The following IER5 variants were observed in gnomAD, a reference collection of about 807,000 sequenced individuals.
IER5 encodes immediate early response 5.
IER5 carries 3 observed loss-of-function variants against 8.2 expected under a neutral mutation model. That is an observed-to-expected ratio of 0.36 (90% confidence interval 0.17 to 0.94). The LOEUF (loss-of-function observed/expected upper bound fraction) is 0.94, where lower values mean the gene tolerates loss of function less well. Ranked by LOEUF, IER5 falls within the 40% of genes least tolerant of loss-of-function variation. The probability of loss-of-function intolerance (pLI) is 0.43; values close to 1 mark genes in which losing one functional copy is unlikely to be tolerated. For missense variants in IER5, 531 were observed against 494.3 expected (o/e 1.07, Z -0.70); for synonymous variants, 286 against 230.1 (o/e 1.24, Z -2.20).
At position 181,089,562 on chromosome 1, in the gene IER5, C is replaced by T. The variant is rs543773837; in HGVS notation, c.660C>T (p.Cys220=). ...APPAVCPRKR[C]AAGVGGGPAG... ...CCGCGGTGTGCCCCAGGAAGCGCTG[C>T]GCGGCGGGGGTGGGCGGCGGCCCAG... The change falls in exon 1 of 1, where the codon TGC becomes TGT. Residue 220 remains cysteine (C), a synonymous_variant. Coordinates refer to ENST00000367577, the MANE Select transcript of IER5 (RefSeq NM_016545.5). 1,806 of 1,502,888 alleles carry T rather than the reference C, an allele frequency of 1.2e-3. 4 individuals are homozygous for T. Among genetic ancestry groups the T allele is most frequent in the Admixed American group, 6.1e-3 (255 of 42,016 alleles). The allele number at this position is 1,502,888 out of a possible 1,614,324, so 93.1% of individuals were successfully genotyped here.
At position 181,088,728 on chromosome 1, in the gene IER5, G is replaced by C; in HGVS notation, c.-175G>C. 3 of 614,106 alleles carry C rather than the reference G, an allele frequency of 4.9e-6. No individual in the cohort carries two copies. The highest frequency in any genetic ancestry group is 4.5e-5 in the South Asian group (2 of 44,624). The allele number at this position is 614,106 out of a possible 1,614,324, so 38.0% of individuals were successfully genotyped here. A position where few individuals can be genotyped will look rare whatever the true frequency, so the allele number is the denominator to read the frequency against. ...TAGCGACCGGACCCGAAACGGGGAA[G>C]TTGTCTTGTTTGGAGAGGTTAGTAG... is the stretch of plus-strand genomic sequence containing the variant. On this transcript the variant is annotated 5_prime_UTR_variant, in exon 1 of 1. Transcript: ENST00000367577.
In IER5 at chr1:181,089,883, C is replaced by G. The variant is rs1430888717; in HGVS notation, c.981C>G (p.Phe327Leu). ...CCTGGAGCACAGCCATCGTGGCCTT[C>G]TGAGCCCTTGGCCCCCCTGCGGGGA... is the stretch of plus-strand genomic sequence containing the variant. ...MNPWSTAIVA[F>L] The change falls in exon 1 of 1, where the codon TTC becomes TTG. Residue 327 changes from phenylalanine (F) to leucine (L), a missense_variant. Transcript: ENST00000367577. 1 of 1,611,576 alleles carries G rather than the reference C, an allele frequency of 6.2e-7. No homozygotes were observed. Among genetic ancestry groups the G allele is most frequent in the Non-Finnish European group, 8.5e-7 (1 of 1,179,594 alleles).
rs748707965 is a variant in IER5, at chr1:181,089,676, G to A, written c.774G>A (p.Ala258=). 5.6e-6 allele frequency: 9 copies of A among 1,613,334 alleles called. 1 individual carries two copies. The East Asian group carries it at 1.3e-4, about 24-fold the overall frequency. ...QPPSGGEDDD[A]EEMETGNVAN... ...CGAGTGGAGGAGAGGACGACGACGC[G>A]GAGGAGATGGAGACCGGGAACGTGG... Residue 258 remains alanine (A), a synonymous_variant, in exon 1 of 1, where the codon GCG becomes GCA. Coordinates refer to ENST00000367577, the MANE Select transcript of IER5 (RefSeq NM_016545.5).
chr1:181,089,592 C>T lies in IER5; in HGVS notation c.690C>T (p.Gly230=). The T allele has an allele frequency of 1.3e-6, 2 of 1,586,170 alleles. No individual in the cohort carries two copies. The highest frequency in any genetic ancestry group is 1.7e-6 in the Non-Finnish European group (2 of 1,167,008). The change falls in exon 1 of 1, where the codon GGC becomes GGT. Residue 230 remains glycine, a synonymous_variant. Transcript: ENST00000367577. ...CAAGVGGGPA[G]CPAPGSTPLK... ...CGGGGGTGGGCGGCGGCCCAGCGGGCTGCCCGGCGCCCGGCTCGACCCCGC... is the reference window on the plus strand; with the variant it reads ...CGGGGGTGGGCGGCGGCCCAGCGGGTTGCCCGGCGCCCGGCTCGACCCCGC...
rs60601152 is a variant in IER5, at chr1:181,091,256, GAAAA to G, written c.*1378_*1381del. 1 of 144,012 alleles carries G rather than the reference GAAAA, an allele frequency of 6.9e-6. No individual in the cohort carries two copies. Among genetic ancestry groups the G allele is most frequent in the African/African-American group, 2.6e-5 (1 of 39,194 alleles). 8.9% of individuals were successfully genotyped at this position (144,012 alleles called of 1,614,324 possible). ...CGGGTCATCTTTTAGCTTTGTAATT[GAAAA>G]AAAAAAAGTTTAGATAGTAGTTTAC... On this transcript the variant is annotated 3_prime_UTR_variant, in exon 1 of 1. Transcript: ENST00000367577.
rs758912166 is a variant in IER5 at position 181,089,757 on chromosome 1, C to G, written c.855C>G (p.Pro285=). The G allele has an allele frequency of 2.0e-5, 32 of 1,613,710 alleles. No homozygotes were observed. In the Admixed American group the frequency reaches 4.8e-4, roughly 24 times the overall value. ...SSFSGLLRKS[P]GGGREEEEGE... Reference sequence around the variant, plus strand: ...TCTCGGGACTCCTACGGAAAAGCCCCGGGGGCGGCAGAGAGGAAGAGGAGG... The same window carrying G: ...TCTCGGGACTCCTACGGAAAAGCCCGGGGGGCGGCAGAGAGGAAGAGGAGG... Residue 285 remains proline, a synonymous_variant, in exon 1 of 1, where the codon CCC becomes CCG. Transcript: ENST00000367577.
Position 181,089,658 on chromosome 1 carries a change from A to C in IER5, c.756A>C (p.Gly252=). 2 of 1,612,968 alleles carry C rather than the reference A, an allele frequency of 1.2e-6. No homozygotes were observed. The highest frequency in any genetic ancestry group is 1.7e-6 in the Non-Finnish European group (2 of 1,179,896). The change falls in exon 1 of 1, where the codon GGA becomes GGC. Residue 252 remains glycine, a synonymous_variant. Transcript: ENST00000367577. ...PRRNLEQPPS[G]GEDDDAEEME... is the part of the protein sequence containing the mutation. Reference sequence around the variant, plus strand: ...GGAACTTAGAGCAGCCGCCGAGTGGAGGAGAGGACGACGACGCGGAGGAGA... The same window carrying C: ...GGAACTTAGAGCAGCCGCCGAGTGGCGGAGAGGACGACGACGCGGAGGAGA...
Position 181,092,842 on chromosome 1 carries a change from C to G in IER5, c.*2956C>G, listed in dbSNP as rs1465961145. ...GTGTATAAATCAGATACACTGTGGT[C>G]AAAGATTTGTGTGTATTTGTAAGAA... On this transcript the variant is annotated 3_prime_UTR_variant, in exon 1 of 1. Transcript: ENST00000367577. 6.6e-6 allele frequency: 1 copy of G among 152,168 alleles called. No homozygotes were observed. The highest frequency in any genetic ancestry group is 6.5e-5 in the Admixed American group (1 of 15,280). The allele number at this position is 152,168 out of a possible 1,614,324, so 9.4% of individuals were successfully genotyped here. A position where few individuals can be genotyped will look rare whatever the true frequency, so the allele number is the denominator to read the frequency against.
rs1288282217 is a variant in IER5 at position 181,092,188 on chromosome 1, A to G, written c.*2302A>G. On this transcript the variant is annotated 3_prime_UTR_variant, in exon 1 of 1. Transcript: ENST00000367577. ...AGTATGATGCTTGAACAGCGATCTC[A>G]GTGTATTTTATGTTTTAAAGGGGGT... is the stretch of plus-strand genomic sequence containing the variant. 6.6e-6 allele frequency: 1 copy of G among 151,968 alleles called. No homozygotes were observed. The highest frequency in any genetic ancestry group is 1.5e-5 in the Non-Finnish European group (1 of 67,984). The allele number at this position is 151,968 out of a possible 1,614,324, so 9.4% of individuals were successfully genotyped here.
rs1231034318 is a variant in IER5, at chr1:181,091,254, T to C, written c.*1368T>C. On this transcript the variant is annotated 3_prime_UTR_variant, in exon 1 of 1. Coordinates refer to ENST00000367577, the MANE Select transcript of IER5 (RefSeq NM_016545.5). ...TACGGGTCATCTTTTAGCTTTGTAA[T>C]TGAAAAAAAAAAAGTTTAGATAGTA... The C allele has an allele frequency of 6.6e-6, 1 of 151,716 alleles. No homozygotes were observed. The highest frequency in any genetic ancestry group is 1.5e-5 in the Non-Finnish European group (1 of 67,908). 9.4% of individuals were successfully genotyped at this position (151,716 alleles called of 1,614,324 possible).
In IER5 at chr1:181,092,826, TC is replaced by T. The variant is rs1165451117; in HGVS notation, c.*2941del. On this transcript the variant is annotated 3_prime_UTR_variant, in exon 1 of 1. Transcript: ENST00000367577. ...TGTAGAAGTTAATTCTGTGTATAAA[TC>T]AGATACACTGTGGTCAAAGATTTGT... is the stretch of plus-strand genomic sequence containing the variant. The T allele has an allele frequency of 2.0e-5, 3 of 152,198 alleles. No individual in the cohort carries two copies. The highest frequency in any genetic ancestry group is 4.4e-5 in the Non-Finnish European group (3 of 68,042). The allele number at this position is 152,198 out of a possible 1,614,324, so 9.4% of individuals were successfully genotyped here.
In IER5 at chr1:181,092,815, CTG is replaced by C. The variant is rs1659502791; in HGVS notation, c.*2933_*2934del. On this transcript the variant is annotated 3_prime_UTR_variant, in exon 1 of 1. Coordinates refer to ENST00000367577, the MANE Select transcript of IER5 (RefSeq NM_016545.5). ...ATTATTGTTAATGTAGAAGTTAATTCTGTGTATAAATCAGATACACTGTGGTC... is the reference window on the plus strand; with the variant it reads ...ATTATTGTTAATGTAGAAGTTAATTCTGTATAAATCAGATACACTGTGGTC... The C allele has an allele frequency of 6.6e-6, 1 of 152,212 alleles. No homozygotes were observed. Among genetic ancestry groups the C allele is most frequent in the African/African-American group, 2.4e-5 (1 of 41,436 alleles). 9.4% of individuals were successfully genotyped at this position (152,212 alleles called of 1,614,324 possible). A position where few individuals can be genotyped will look rare whatever the true frequency, so the allele number is the denominator to read the frequency against.
rs1467285814 is a variant in IER5 at position 181,088,771 on chromosome 1, CAG to C, written c.-129_-128del. 3.0e-6 allele frequency: 2 copies of C among 674,944 alleles called. No homozygotes were observed. Among genetic ancestry groups the C allele is most frequent in the African/African-American group, 3.7e-5 (2 of 53,670 alleles). The allele number at this position is 674,944 out of a possible 1,614,324, so 41.8% of individuals were successfully genotyped here. On this transcript the variant is annotated 5_prime_UTR_variant, in exon 1 of 1. Transcript: ENST00000367577. ...GTTAGTAGAGCAGCGCGCGCGTCAC[CAG>C]AGTCGTTTCTCTTCGGAGTCTTAGG...
In IER5 at chr1:181,092,004, A is replaced by G. The variant is rs1001700582; in HGVS notation, c.*2118A>G. Reference sequence around the variant, plus strand: ...GCCATAATAATGTATTTATAGAATTAAACATTCTCAAATTAGGGTCTTGTT... The same window carrying G: ...GCCATAATAATGTATTTATAGAATTGAACATTCTCAAATTAGGGTCTTGTT... On this transcript the variant is annotated 3_prime_UTR_variant, in exon 1 of 1. Coordinates refer to ENST00000367577, the MANE Select transcript of IER5 (RefSeq NM_016545.5). The G allele has an allele frequency of 6.6e-6, 1 of 152,220 alleles. No individual in the cohort carries two copies. Among genetic ancestry groups the G allele is most frequent in the Non-Finnish European group, 1.5e-5 (1 of 68,038 alleles). The allele number at this position is 152,220 out of a possible 1,614,324, so 9.4% of individuals were successfully genotyped here.
chr1:181,089,481 C>G lies in IER5; in HGVS notation c.579C>G (p.Pro193=), dbSNP rs548699165. 1.1e-3 allele frequency: 1,452 copies of G among 1,344,490 alleles called. 7 individuals are homozygous for G. The highest frequency in any genetic ancestry group is 9.2e-3 in the South Asian group (501 of 54,286). The allele number at this position is 1,344,490 out of a possible 1,614,324, so 83.3% of individuals were successfully genotyped here. Residue 193 remains proline (P), a synonymous_variant, in exon 1 of 1, where the codon CCC becomes CCG. Coordinates refer to ENST00000367577, the MANE Select transcript of IER5 (RefSeq NM_016545.5). The part of the protein sequence containing the change: ...EDPPGTPAAT[P]RAACCCAPQP... ...CGCCGGGTACACCGGCCGCGACCCC[C>G]CGCGCTGCCTGCTGCTGCGCGCCGC...
Position 181,089,462 on chromosome 1 carries a change from G to A in IER5, c.560G>A (p.Gly187Asp), listed in dbSNP as rs1267626624. The change falls in exon 1 of 1, where the codon GGT (glycine) becomes GAT (aspartate). Residue 187 changes from glycine (G) to aspartate (D), a missense_variant. Transcript: ENST00000367577. ...CCCCTAGGCGGGGAGGACCCGCCGGGTACACCGGCCGCGACCCCCCGCGCT... is the reference window on the plus strand; with the variant it reads ...CCCCTAGGCGGGGAGGACCCGCCGGATACACCGGCCGCGACCCCCCGCGCT... ...GCPLGGEDPP[G>D]TPAATPRAAC... 2.9e-6 allele frequency: 4 copies of A among 1,358,180 alleles called. No individual in the cohort carries two copies. Among genetic ancestry groups the A allele is most frequent in the Non-Finnish European group, 3.8e-6 (4 of 1,055,532 alleles). 84.1% of individuals were successfully genotyped at this position (1,358,180 alleles called of 1,614,324 possible).
chr1:181,089,301 G>A lies in IER5; in HGVS notation c.399G>A (p.Glu133=), dbSNP rs1268836284. 1 of 1,555,256 alleles carries A rather than the reference G, an allele frequency of 6.4e-7. No homozygotes were observed. The change falls in exon 1 of 1, where the codon GAG becomes GAA. Residue 133 remains glutamate (E), a synonymous_variant. Transcript: ENST00000367577. ...TGVGDVFQGG[E]ADATEAAWSR... is the part of the protein sequence containing the mutation. ...TCGGGGACGTTTTTCAGGGCGGAGA[G>A]GCGGACGCGACGGAAGCTGCCTGGA...
At position 181,089,067 on chromosome 1, in the gene IER5, C is replaced by T. The variant is rs764260008; in HGVS notation, c.165C>T (p.Leu55=). 3.1e-6 allele frequency: 5 copies of T among 1,597,074 alleles called. No homozygotes were observed. In the East Asian group the frequency reaches 9.2e-5, roughly 29 times the overall value. Residue 55 remains leucine (L), a synonymous_variant, in exon 1 of 1, where the codon CTC becomes CTT. Transcript: ENST00000367577. ...QVYLSDPCPG[L]YLAGPAGTPA... is the part of the protein sequence containing the mutation. ...ACCTGAGCGACCCGTGCCCCGGCCTCTACCTGGCCGGTCCCGCTGGGACCC... is the reference window on the plus strand; with the variant it reads ...ACCTGAGCGACCCGTGCCCCGGCCTTTACCTGGCCGGTCCCGCTGGGACCC...
Position 181,089,197 on chromosome 1 carries a change from G to A in IER5, c.295G>A (p.Glu99Lys). 5 of 1,529,910 alleles carry A rather than the reference G, an allele frequency of 3.3e-6. No homozygotes were observed. Among genetic ancestry groups the A allele is most frequent in the South Asian group, 1.2e-5 (1 of 81,994 alleles). 94.8% of individuals were successfully genotyped at this position (1,529,910 alleles called of 1,614,324 possible). A position where few individuals can be genotyped will look rare whatever the true frequency, so the allele number is the denominator to read the frequency against. Reference sequence around the variant, plus strand: ...CGCTCGTGCCTCTTGGCCGGAGACCGAGCCGCAGCCGGAGCGCTCCTCCGT... The same window carrying A: ...CGCTCGTGCCTCTTGGCCGGAGACCAAGCCGCAGCCGGAGCGCTCCTCCGT... ...PAARASWPET[E>K]PQPERSSVSD... is the part of the protein sequence containing the mutation. The change falls in exon 1 of 1, where the codon GAG becomes AAG. Residue 99 changes from glutamate to lysine, a missense_variant. Physicochemically the swap from Glu to Lys is moderately conservative, Grantham distance 56. Transcript: ENST00000367577.
Sources: allele counts gnomAD v4.1 joint callset, GRCh38; gene constraint gnomAD v4.1.1; transcripts MANE v1.5; gene names NCBI Gene and HGNC (gene_info 2026-07-23, HGNC 2026-07-21).